Variants in LDLRAD3 observed in about 807,000 individuals in gnomAD.
The protein encoded by LDLRAD3 is low-density lipoprotein receptor class A domain-containing protein 3.
LDLRAD3 carries 20 observed loss-of-function variants against 29.4 expected under a neutral mutation model. The ratio of observed to expected loss-of-function variants is 0.68; its 90% confidence interval spans 0.48 to 0.99. LDLRAD3 has a LOEUF of 0.99. Ranked by LOEUF, LDLRAD3 falls within the 50% of genes least tolerant of loss-of-function variation. LDLRAD3 has a pLI of 0.00. For synonymous variants in LDLRAD3, 157 were observed against 192.7 expected, an observed-to-expected ratio of 0.81 and a Z score of 1.53; for missense variants, 420 against 454.3, an observed-to-expected ratio of 0.92 and a Z score of 0.69.
At chr11:35,976,971 A>G (rs11033351) in intron 1 of LDLRAD3, among the ~76,000 whole-genome samples, 55,238 of 152,024 alleles carry the variant, frequency 0.36, 10,450 homozygotes, top group East Asian at 0.61. Context: ...CATATTTACA[A>G]ATGTGGTTTT....
rs969223499 is a variant in LDLRAD3 at position 36,014,791 on chromosome 11, T to G, written c.47-21312T>G. 2.0e-5 allele frequency among the ~76,000 whole-genome samples: 3 copies of G among 152,244 alleles called. No homozygotes were observed. The East Asian group carries it at 5.8e-4, about 29-fold the overall frequency. ...GTCTAATCTGTAGACTCATCAAACA[T>G]AAATTATTCTGGATGGCTTTTCTCT... On this transcript the variant is annotated intron_variant, in intron 1 of 5. Coordinates refer to ENST00000315571, the MANE Select transcript of LDLRAD3 (RefSeq NM_174902.4).
At chr11:36,010,209 CAT>C (rs1194567396) in intron 1 of LDLRAD3, 1 of 154,398 alleles carries the variant, frequency 6.5e-6, no homozygotes, top group East Asian at 1.9e-4. Context: ...CTTAGCAAAA[CAT>C]ATAACTAGGA....
intron 4 of LDLRAD3, among the ~76,000 whole-genome samples, chr11:36,136,612 A>G (rs1854007847): frequency 1.3e-5 from 2 of 151,862 alleles, no homozygotes; most frequent in Admixed American, 1.3e-4. Flanking sequence ...CATGATGGAA[A>G]GTTTCCCGAG....
intron 1 of LDLRAD3, among the ~76,000 whole-genome samples, chr11:35,947,653 A>G (rs1428545076): frequency 1.3e-5 from 2 of 152,238 alleles, no homozygotes; most frequent in Non-Finnish European, 2.9e-5. Context: ...GAAACTTGCC[A>G]AGGATATCAT....
rs778121415 is a variant in LDLRAD3, at chr11:36,227,071, C to G, written c.455-14C>G. 1.3e-6 allele frequency: 2 copies of G among 1,564,038 alleles called. No homozygotes were observed. Among genetic ancestry groups the G allele is most frequent in the Non-Finnish European group, 1.7e-6 (2 of 1,148,826 alleles). ...TAACCTTCTCTCTTTTCTCTCCTCT[C>G]TTGGGTTTCTCAGAACCCGGCAGTG... On this transcript the variant is annotated splice_polypyrimidine_tract_variant and intron_variant, in intron 4 of 5. Coordinates refer to ENST00000315571, the MANE Select transcript of LDLRAD3 (RefSeq NM_174902.4).
chr11:36,199,014 C>G (rs1179703221), intron 4 of LDLRAD3, among the ~76,000 whole-genome samples: 2 of 152,160 alleles, frequency 1.3e-5, no homozygotes, highest in Non-Finnish European at 2.9e-5. Flanking sequence ...CATTCTCCTG[C>G]CTCAGCCTCC....
chr11:36,008,160 G>C (rs1851908039), intron 1 of LDLRAD3, among the ~76,000 whole-genome samples: 1 of 152,200 alleles, frequency 6.6e-6, no homozygotes, highest in Non-Finnish European at 1.5e-5. Flanking sequence ...CCATTTTTAT[G>C]TGAGGAGGGC....
At chr11:36,066,179 C>CT (rs1852790045) in intron 2 of LDLRAD3, among the ~76,000 whole-genome samples, 2 of 141,954 alleles carry the variant, frequency 1.4e-5, no homozygotes, top group Admixed American at 1.4e-4. Flanking sequence ...TTTTTTCTTA[C>CT]TTTTTTCTAC....
chr11:36,152,746 A>G (rs996766588), intron 4 of LDLRAD3, among the ~76,000 whole-genome samples: 2 of 152,230 alleles, frequency 1.3e-5, no homozygotes, highest in African/African-American at 4.8e-5. Context: ...GACGCTTGAC[A>G]GCTTGCACCT....
At chr11:36,075,974 C>T (rs1412517737) in intron 2 of LDLRAD3, among the ~76,000 whole-genome samples, 1 of 152,180 alleles carries the variant, frequency 6.6e-6, no homozygotes, top group Non-Finnish European at 1.5e-5. Flanking sequence ...CTTCTGGCAA[C>T]AGAAGATACT....
chr11:36,228,703 C>T (rs571326348), intron 5 of LDLRAD3, among the ~76,000 whole-genome samples: 14 of 152,310 alleles, frequency 9.2e-5, no homozygotes, highest in African/African-American at 3.1e-4. Flanking sequence ...CGATACAGAC[C>T]GAGGTGTTGA....
intron 4 of LDLRAD3, among the ~76,000 whole-genome samples, chr11:36,113,057 G>T (rs1309095058): frequency 1.3e-5 from 2 of 152,282 alleles, no homozygotes; most frequent in East Asian, 3.9e-4. Flanking sequence ...ACAGGGAAAA[G>T]GTTCAGAAAG....
At chr11:36,121,162 T>A (rs1853750502) in intron 4 of LDLRAD3, among the ~76,000 whole-genome samples, 1 of 152,022 alleles carries the variant, frequency 6.6e-6, no homozygotes. Context: ...ATGAAATGAA[T>A]AAACGACCAG....
chr11:36,070,207 G>A (rs1467621438), intron 2 of LDLRAD3, among the ~76,000 whole-genome samples: 2 of 152,204 alleles, frequency 1.3e-5, no homozygotes, highest in East Asian at 3.8e-4. Flanking sequence ...TGGCCAAACA[G>A]GGGCAGATTC....
chr11:35,978,599 A>G (rs16928176), intron 1 of LDLRAD3, among the ~76,000 whole-genome samples: 2,383 of 152,224 alleles, frequency 0.016, 65 homozygotes, highest in African/African-American at 0.054. Context: ...AGGCCCCTCT[A>G]TGTGTCAGTC....
chr11:36,106,676 C>T (rs77312674), intron 4 of LDLRAD3, among the ~76,000 whole-genome samples: 1,675 of 152,284 alleles, frequency 0.011, 28 homozygotes, highest in African/African-American at 0.038. Context: ...TATAGTTCAT[C>T]GAGGGAACTG....
At chr11:36,076,696 A>G (rs948255470) in intron 2 of LDLRAD3, among the ~76,000 whole-genome samples, 1 of 152,020 alleles carries the variant, frequency 6.6e-6, no homozygotes, top group Non-Finnish European at 1.5e-5. Flanking sequence ...TAGCCTTCCC[A>G]CTTTCTTTAT....
intron 4 of LDLRAD3, among the ~76,000 whole-genome samples, chr11:36,116,863 A>G (rs1352561282): frequency 1.4e-5 from 2 of 141,558 alleles, no homozygotes; most frequent in African/African-American, 5.6e-5. Context: ...TTTTTTTGAG[A>G]TAGAGTCTCA....
intron 4 of LDLRAD3, among the ~76,000 whole-genome samples, chr11:36,142,213 C>T (rs912655301): frequency 6.6e-6 from 1 of 152,154 alleles, no homozygotes; most frequent in African/African-American, 2.4e-5. Context: ...AGAGTCACTC[C>T]TTAGTTTCTG....
Sources: gnomAD v4.1 joint callset for allele counts (sites outside exome capture counted in the v4.1 genomes callset) on GRCh38, gnomAD v4.1.1 for gene constraint, MANE v1.5 for transcripts, NCBI Gene and HGNC (gene_info 2026-07-23, HGNC 2026-07-21) for gene names.